The following PMS1 variants were observed in gnomAD, a reference collection of about 807,000 sequenced individuals.
PMS1 encodes PMS1 protein homolog 1.
A neutral mutation model predicts 93.1 loss-of-function variants in PMS1; 79 were observed. That is an observed-to-expected ratio of 0.85 (90% CI 0.71 to 1.02). PMS1 has a LOEUF of 1.02. Among genes scored for constraint, PMS1 ranks in the 50% least tolerant of loss-of-function variants. The pLI, the probability that PMS1 is intolerant of heterozygous loss-of-function variation, is 0.00. For synonymous variants in PMS1, 335 were observed against 363.4 expected (o/e 0.92, Z 0.89); for missense variants, 1,064 against 1,085.3 (o/e 0.98, Z 0.28).
chr2:189,806,770 C>T (rs1346383694), intron 4 of PMS1: 2 of 199,854 alleles, frequency 1.0e-5, no homozygotes, highest in Non-Finnish European at 2.1e-5. Context: ...TTCAGTTTCA[C>T]ATATCTCCTT....
rs112239654 is a variant in PMS1 at position 189,877,574 on chromosome 2, T to C, written c.*138T>C. 3 of 634,318 alleles carry C rather than the reference T, an allele frequency of 4.7e-6. No homozygotes were observed. The highest frequency in any genetic ancestry group is 1.8e-5 in the African/African-American group (1 of 54,506). 39.3% of individuals were successfully genotyped at this position (634,318 alleles called of 1,614,324 possible). Reference sequence around the variant, plus strand: ...GAGGATTCACTGACTTGTTTTTATATTGAAAAAAGTTCCACGTATTGTAGA... The same window carrying C: ...GAGGATTCACTGACTTGTTTTTATACTGAAAAAAGTTCCACGTATTGTAGA... On this transcript the variant is annotated 3_prime_UTR_variant, in exon 13 of 13. Transcript: ENST00000441310.
chr2:189,868,336 A>G (rs941084766), intron 11 of PMS1, among the ~76,000 whole-genome samples: 1 of 152,226 alleles, frequency 6.6e-6, no homozygotes, highest in African/African-American at 2.4e-5. Flanking sequence ...TGCCAATTAG[A>G]CGTGTAACAT....
At position 189,817,899 on chromosome 2, in the gene PMS1, A is replaced by G. The variant is rs1302006810; in HGVS notation, c.419-118A>G. 3.9e-6 allele frequency: 3 copies of G among 767,586 alleles called. No individual in the cohort carries two copies. The African/African-American group carries it at 5.2e-5, about 13-fold the overall frequency. The allele number at this position is 767,586 out of a possible 1,614,324, so 47.5% of individuals were successfully genotyped here. On this transcript the variant is annotated intron_variant, in intron 4 of 12. Coordinates refer to ENST00000441310, the MANE Select transcript of PMS1 (RefSeq NM_000534.5). ...TGCAAAGTTGAGCCTTTGGGTTTCTAGAATTGGAGGAGGAGACCTTCAGTT... is the reference window on the plus strand; with the variant it reads ...TGCAAAGTTGAGCCTTTGGGTTTCTGGAATTGGAGGAGGAGACCTTCAGTT...
intron 5 of PMS1, among the ~76,000 whole-genome samples, chr2:189,828,090 A>C (rs972635090): frequency 6.8e-6 from 1 of 147,694 alleles, no homozygotes; most frequent in African/African-American, 2.6e-5. Context: ...CGCCCGGCTA[A>C]TTTTTTGTTT....
In PMS1 at chr2:189,791,847, C is replaced by T. The variant is rs1377084219; in HGVS notation, c.38C>T (p.Ser13Leu). ...CCTGCGGCAACAGTTCGACTCCTTT[C>T]AAGTTCTCAGATCATCACTTCGGTG... The part of the protein sequence containing the change: ...QLPAATVRLL[S>L]SSQIITSVVS... Residue 13 changes from serine to leucine, a missense_variant, in exon 2 of 13, where the codon TCA becomes TTA. Ser to Leu is a moderately radical substitution (Grantham distance 145). Transcript: ENST00000441310. 6.2e-7 allele frequency: 1 copy of T among 1,613,842 alleles called. No homozygotes were observed. Among genetic ancestry groups the T allele is most frequent in the East Asian group, 2.2e-5 (1 of 44,888 alleles).
intron 5 of PMS1, among the ~76,000 whole-genome samples, chr2:189,835,267 A>G (rs895915987): frequency 6.6e-6 from 1 of 152,216 alleles, no homozygotes; most frequent in Non-Finnish European, 1.5e-5. Context: ...TACTGCATAA[A>G]TTTTACCAAG....
intron 5 of PMS1, among the ~76,000 whole-genome samples, chr2:189,842,613 T>C (rs926224633): frequency 3.9e-5 from 6 of 152,162 alleles, no homozygotes; most frequent in African/African-American, 1.4e-4. Flanking sequence ...GAGAGTTTAT[T>C]TGAACCAGTG....
chr2:189,798,556 A>T (rs887322305), intron 3 of PMS1, among the ~76,000 whole-genome samples: 4 of 152,178 alleles, frequency 2.6e-5, no homozygotes, highest in Non-Finnish European at 5.9e-5. Flanking sequence ...GAGGGACTAG[A>T]GGGTTCAATT....
intron 5 of PMS1, among the ~76,000 whole-genome samples, chr2:189,823,264 AT>A (rs1293567354): frequency 1.3e-5 from 2 of 151,512 alleles, no homozygotes; most frequent in Non-Finnish European, 2.9e-5. Context: ...TTTTATTTTT[AT>A]TTTTTTAATT....
chr2:189,866,381 A>G (rs1458444743), intron 10 of PMS1, among the ~76,000 whole-genome samples: 4 of 152,214 alleles, frequency 2.6e-5, no homozygotes, highest in East Asian at 1.9e-4. Context: ...TTAATTGAGC[A>G]TAAACAGGAA....
At chr2:189,830,333 C>T (rs2052812536) in intron 5 of PMS1, among the ~76,000 whole-genome samples, 1 of 152,194 alleles carries the variant, frequency 6.6e-6, no homozygotes, top group Admixed American at 6.5e-5. Flanking sequence ...ACCTGCGAGT[C>T]ATGCTTCCAG....
rs1222022134 is a variant in PMS1, at chr2:189,852,693, C to T, written c.738C>T (p.Asp246=). The T allele has an allele frequency of 6.3e-7, 1 of 1,590,112 alleles. No individual in the cohort carries two copies. The highest frequency in any genetic ancestry group is 1.3e-5 in the African/African-American group (1 of 74,334). The change falls in exon 7 of 13, where the codon GAC becomes GAT. Residue 246 remains aspartate, a synonymous_variant. Transcript: ENST00000441310. ...GATTTCTTCCAAAGTGTGATGCAGA[C>T]CACTCTTTCACTAGTCTTTCAACAC... ...LSGFLPKCDA[D]HSFTSLSTPE...
chr2:189,794,295 G>T (rs972882887), intron 2 of PMS1, among the ~76,000 whole-genome samples: 1 of 151,666 alleles, frequency 6.6e-6, no homozygotes, highest in African/African-American at 2.4e-5. Flanking sequence ...TGTATTTTTA[G>T]TAGTGACCGA....
chr2:189,856,741 C>G (rs924451215), intron 9 of PMS1, among the ~76,000 whole-genome samples: 4 of 152,080 alleles, frequency 2.6e-5, no homozygotes, highest in Admixed American at 6.6e-5. Context: ...AGTGTACAAG[C>G]TTATGATGGA....
chr2:189,867,769 TAAGTTA>T (rs1242578315), intron 10 of PMS1, 24 bp from the exon 11 acceptor site: 1 of 1,508,012 alleles, frequency 6.6e-7, no homozygotes, highest in Non-Finnish European at 9.2e-7. Flanking sequence ...GTGTTTTTAA[TAAGTTA>T]AAGGGCCATA....
chr2:189,867,843 C>T lies in PMS1; in HGVS notation c.2387C>T (p.Thr796Ile), dbSNP rs1333302478. The change falls in exon 11 of 13, where the codon ACA becomes ATA. Residue 796 changes from threonine to isoleucine, a missense_variant. By Grantham distance (89) the Thr-to-Ile change is moderately conservative. Coordinates refer to ENST00000441310, the MANE Select transcript of PMS1 (RefSeq NM_000534.5). ...TATTTAGACGTTTTATATAAAATGA[C>T]AGCAGATGACCAAAGATACAGTGGA... ...SHYLDVLYKM[T>I]ADDQRYSGST... is the part of the protein sequence containing the mutation. The T allele has an allele frequency of 1.3e-6, 2 of 1,578,250 alleles. No homozygotes were observed. The highest frequency in any genetic ancestry group is 2.2e-5 in the South Asian group (2 of 90,396).
chr2:189,870,613 C>T (rs2057066764), intron 11 of PMS1, among the ~76,000 whole-genome samples: 1 of 152,132 alleles, frequency 6.6e-6, no homozygotes, highest in African/African-American at 2.4e-5. Context: ...ACCTTTTACC[C>T]ATTTCCACTA....
intron 4 of PMS1, among the ~76,000 whole-genome samples, chr2:189,814,959 C>A (rs888518194): frequency 2.6e-5 from 4 of 151,868 alleles, no homozygotes; most frequent in Non-Finnish European, 5.9e-5. Flanking sequence ...ATTAGCCAGG[C>A]GGGCTGGCAG....
chr2:189,844,456 C>T (rs2054076604), intron 6 of PMS1, among the ~76,000 whole-genome samples: 1 of 151,992 alleles, frequency 6.6e-6, no homozygotes, highest in Admixed American at 6.6e-5. Context: ...CCAGCCTGGC[C>T]AACATGGTGA....
Sources: allele counts gnomAD v4.1 joint callset (sites outside exome capture counted in the v4.1 genomes callset), GRCh38; gene constraint gnomAD v4.1.1; transcripts MANE v1.5; gene names NCBI Gene and HGNC (gene_info 2026-07-23, HGNC 2026-07-21).